Variants in PPIP5K2 observed in about 807,000 individuals in gnomAD.
The protein encoded by PPIP5K2 is diphosphoinositol pentakisphosphate kinase 2, also known as inositol hexakisphosphate and diphosphoinositol-pentakisphosphate kinase 2.
Under a neutral mutation model 154.6 loss-of-function variants are expected in PPIP5K2, and 105 were observed. The observed-to-expected ratio is 0.68, with a 90% CI of 0.58 to 0.80. PPIP5K2 has a LOEUF of 0.80. PPIP5K2 is among the 30% of genes least tolerant of loss of function. The pLI is 0.00. For missense variants in PPIP5K2, 992 were observed against 1,504.6 expected (o/e 0.66, Z 5.64); for synonymous variants, 480 against 490.3 (o/e 0.98, Z 0.28).
At chr5:103,174,555 G>A (rs745625973) in intron 21 of PPIP5K2, among the ~76,000 whole-genome samples, 31 of 152,086 alleles carry the variant, frequency 2.0e-4, no homozygotes, top group East Asian at 5.8e-4. Flanking sequence ...CCTCAGCTGC[G>A]GTTATCAAGC....
chr5:103,149,565 A>T (rs551321408), intron 8 of PPIP5K2, among the ~76,000 whole-genome samples: 81 of 152,322 alleles, frequency 5.3e-4, no homozygotes, highest in African/African-American at 1.8e-3. Context: ...TCAGCTGATC[A>T]GTGTTTTAGG....
intron 19 of PPIP5K2, among the ~76,000 whole-genome samples, chr5:103,170,277 T>A (rs1289357071): frequency 1.3e-5 from 2 of 151,630 alleles, no homozygotes; most frequent in Non-Finnish European, 3.0e-5. Context: ...AAGATTAGTA[T>A]GTTACGAAGG....
chr5:103,127,332 A>G (rs1439294626), intron 1 of PPIP5K2, among the ~76,000 whole-genome samples: 2 of 152,028 alleles, frequency 1.3e-5, no homozygotes, highest in Admixed American at 6.5e-5. Flanking sequence ...TTACATTATT[A>G]CATGTTTCTA....
Position 103,212,002 on chromosome 5 carries a change from T to G in PPIP5K2, c.*10368T>G, listed in dbSNP as rs1554232612. 1.3e-5 allele frequency: 2 copies of G among 152,146 alleles called. No individual in the cohort carries two copies. Among genetic ancestry groups the G allele is most frequent in the East Asian group, 1.9e-4 (1 of 5,196 alleles). 9.4% of individuals were successfully genotyped at this position (152,146 alleles called of 1,614,324 possible). On this transcript the variant is annotated 3_prime_UTR_variant, in exon 31 of 31. Coordinates refer to ENST00000358359, the MANE Select transcript of PPIP5K2 (RefSeq NM_001276277.3). The stretch of plus-strand genomic sequence containing the variant: ...TTAAAGTCTTCCTGTCCAAGGGATA[T>G]GAAAGGTACCTCAACCTTTGGTTTT...
intron 27 of PPIP5K2, 144 bp downstream of exon 27, chr5:103,186,583 C>T (rs1283727623): frequency 9.1e-7 from 1 of 1,100,246 alleles, no homozygotes; most frequent in Non-Finnish European, 1.3e-6. Context: ...TCAGTGCTCT[C>T]TGTTATCTAC....
chr5:103,140,576 G>A (rs1353792302), intron 5 of PPIP5K2, among the ~76,000 whole-genome samples: 3 of 152,172 alleles, frequency 2.0e-5, no homozygotes, highest in African/African-American at 4.8e-5. Context: ...CAGGCCGGGC[G>A]CGGTGGCTCA....
chr5:103,138,192 G>A (rs1791898914), intron 4 of PPIP5K2, among the ~76,000 whole-genome samples, 192 bp from the exon 5 acceptor site: 1 of 151,978 alleles, frequency 6.6e-6, no homozygotes, highest in African/African-American at 2.4e-5. Context: ...TGTTCTTATT[G>A]CTGAATATTT....
rs1424614263 is a variant in PPIP5K2, at chr5:103,173,827, A to G, written c.2415-31A>G. 10 of 1,324,922 alleles carry G rather than the reference A, an allele frequency of 7.5e-6. No homozygotes were observed. In the African/African-American group the frequency reaches 1.5e-4, roughly 19 times the overall value. The allele number at this position is 1,324,922 out of a possible 1,614,324, so 82.1% of individuals were successfully genotyped here. On this transcript the variant is annotated intron_variant, in intron 20 of 30. Transcript: ENST00000358359. ...TTAGTGAGTTTTTGATTATATGGTT[A>G]TGTTTGAACACTGTCTGCTTCTAAT...
chr5:103,170,030 T>G (rs937549545), intron 19 of PPIP5K2, among the ~76,000 whole-genome samples: 1 of 151,544 alleles, frequency 6.6e-6, no homozygotes, highest in African/African-American at 2.4e-5. Context: ...CTCACCCCTC[T>G]ACTGTTTCCA....
At chr5:103,123,795 A>T (rs1252595482) in intron 1 of PPIP5K2, among the ~76,000 whole-genome samples, 1 of 152,218 alleles carries the variant, frequency 6.6e-6, no homozygotes, top group African/African-American at 2.4e-5. Flanking sequence ...TTCAACACTG[A>T]TATTTGAATA....
intron 17 of PPIP5K2, among the ~76,000 whole-genome samples, chr5:103,161,729 C>G (rs1037713758): frequency 6.6e-6 from 1 of 151,996 alleles, no homozygotes; most frequent in Non-Finnish European, 1.5e-5. Flanking sequence ...AGCCATGTGT[C>G]TGTTGGCTGC....
rs782383524 is a variant in PPIP5K2, at chr5:103,136,825, G to T, written c.401+3G>T. On this transcript the variant is annotated splice_donor_region_variant and intron_variant, in intron 4 of 30. Coordinates refer to ENST00000358359, the MANE Select transcript of PPIP5K2 (RefSeq NM_001276277.3). ...ATGCAGTATCTCATACAAGATAGGT[G>T]AGTGGTGAAGTTGGCTGAATTAAGG... 5.0e-6 allele frequency: 8 copies of T among 1,607,456 alleles called. No homozygotes were observed. Among genetic ancestry groups the T allele is most frequent in the Non-Finnish European group, 6.8e-6 (8 of 1,174,172 alleles).
rs782591013 is a variant in PPIP5K2, at chr5:103,158,186, A to C, written c.1490-2A>C. On this transcript the variant is annotated splice_acceptor_variant, in intron 14 of 30. Transcript: ENST00000358359. LOFTEE classifies it high-confidence loss of function. ...TGTTTTATTCATTCATATGTGTCAT[A>C]GACAGCCGAAGAGAAGAACCATCTT... The C allele has an allele frequency of 6.2e-7, 1 of 1,612,326 alleles. No individual in the cohort carries two copies. The highest frequency in any genetic ancestry group is 1.1e-5 in the South Asian group (1 of 91,004).
At chr5:103,196,086 T>A (rs1397195613) in intron 30 of PPIP5K2, among the ~76,000 whole-genome samples, 1 of 152,190 alleles carries the variant, frequency 6.6e-6, no homozygotes, top group African/African-American at 2.4e-5. Context: ...GTAACTGCTA[T>A]TAATTATTAT....
intron 4 of PPIP5K2, among the ~76,000 whole-genome samples, chr5:103,137,282 C>T (rs1212626402): frequency 6.6e-6 from 1 of 151,822 alleles, no homozygotes; most frequent in Admixed American, 6.6e-5. Context: ...CCTGCCTCAG[C>T]CTCCCGAGTA....
chr5:103,193,034 G>T (rs1350158431), intron 29 of PPIP5K2, among the ~76,000 whole-genome samples: 2 of 152,110 alleles, frequency 1.3e-5, no homozygotes, highest in Non-Finnish European at 2.9e-5. Context: ...TTTCATGGCT[G>T]CTTCAACCAG....
chr5:103,173,434 C>A, intron 20 of PPIP5K2, 152 bp downstream of exon 20: 1 of 1,008,816 alleles, frequency 9.9e-7, no homozygotes, highest in Non-Finnish European at 1.4e-6. Flanking sequence ...TAAGTTCCAA[C>A]CAAAGTTATT....
At chr5:103,136,594 TATTC>T (rs1489763216) in intron 3 of PPIP5K2, 134 bp from the exon 4 acceptor site, 1 of 646,048 alleles carries the variant, frequency 1.5e-6, no homozygotes, top group African/African-American at 1.8e-5. Flanking sequence ...TTTATGTATA[TATTC>T]CATACCTTTT....
chr5:103,159,108 T>A, intron 16 of PPIP5K2, 38 bp from the exon 17 acceptor site: 1 of 1,374,904 alleles, frequency 7.3e-7, no homozygotes, highest in Non-Finnish European at 9.8e-7. Flanking sequence ...TACGTATTAA[T>A]TTTTTAAATT....
Sources: allele counts gnomAD v4.1 joint callset (sites outside exome capture counted in the v4.1 genomes callset), GRCh38; gene constraint gnomAD v4.1.1; transcripts MANE v1.5; gene names NCBI Gene and HGNC (gene_info 2026-07-23, HGNC 2026-07-21).